Variants in WDPCP observed in about 807,000 individuals in gnomAD.
The protein encoded by WDPCP is WD repeat-containing and planar cell polarity effector protein fritz homolog.
WDPCP carries 71 observed loss-of-function variants against 93.1 expected under a neutral mutation model. That is an observed-to-expected ratio of 0.76 (90% CI 0.63 to 0.93). The LOEUF (loss-of-function observed/expected upper bound fraction) is 0.93, where lower values mean the gene tolerates loss of function less well. Among genes scored for constraint, WDPCP ranks in the 40% least tolerant of loss-of-function variants. WDPCP has a pLI of 0.00. For synonymous variants in WDPCP, 315 were observed against 315.0 expected (o/e 1.00, Z 0.00); for missense variants, 844 against 887.4 (o/e 0.95, Z 0.62).
At chr2:63,385,451 T>C (rs1692651883) in intron 10 of WDPCP, among the ~76,000 whole-genome samples, 1 of 152,134 alleles carries the variant, frequency 6.6e-6, no homozygotes, top group Non-Finnish European at 1.5e-5. Context: ...ATAGTCAATA[T>C]TTTAAAAATT....
chr2:63,587,676 A>T (rs1708955716), intron 1 of WDPCP, among the ~76,000 whole-genome samples: 1 of 152,236 alleles, frequency 6.6e-6, no homozygotes, highest in African/African-American at 2.4e-5. Context: ...AAGCACAGCA[A>T]TTCTCTTGGC....
chr2:63,351,450 A>G (rs991984023), intron 12 of WDPCP, among the ~76,000 whole-genome samples: 1 of 151,886 alleles, frequency 6.6e-6, no homozygotes, highest in Non-Finnish European at 1.5e-5. Context: ...CTAGTAGTCC[A>G]CAGTGTCTGT....
intron 2 of WDPCP, among the ~76,000 whole-genome samples, chr2:63,786,702 T>C (rs1381517067): frequency 1.3e-5 from 2 of 152,098 alleles, no homozygotes; most frequent in Admixed American, 6.6e-5. Context: ...AATACAGACA[T>C]ACGTAAAGCA....
At chr2:63,507,219 C>T (rs1238007441) in intron 1 of WDPCP, among the ~76,000 whole-genome samples, 3 of 151,070 alleles carry the variant, frequency 2.0e-5, no homozygotes, top group Non-Finnish European at 3.0e-5. Flanking sequence ...TCTCAAAATA[C>T]TGGAGATAAA....
Position 63,313,241 on chromosome 2 carries a change from G to C in WDPCP, c.1812+7C>G, listed in dbSNP as rs368344937. ...AAGGCACAAAATCATCTCTGAAAAT[G>C]ACTCACCATAAAGAGGTCACGAGCA... is the stretch of plus-strand genomic sequence containing the variant. On this transcript the variant is annotated splice_region_variant and intron_variant, in intron 13 of 17. Transcript: ENST00000272321. The C allele has an allele frequency of 6.2e-7, 1 of 1,612,772 alleles. No homozygotes were observed. Among genetic ancestry groups the C allele is most frequent in the Non-Finnish European group, 8.5e-7 (1 of 1,179,254 alleles).
At chr2:63,716,163 G>A (rs1669334579) in intron 2 of WDPCP, among the ~76,000 whole-genome samples, 1 of 152,194 alleles carries the variant, frequency 6.6e-6, no homozygotes, top group African/African-American at 2.4e-5. Context: ...GCTCTGAAGG[G>A]ACAGTCCACT....
At chr2:63,808,330 C>T (rs1278535419) in intron 2 of WDPCP, among the ~76,000 whole-genome samples, 1 of 148,414 alleles carries the variant, frequency 6.7e-6, no homozygotes, top group African/African-American at 2.5e-5. Flanking sequence ...TCCCCTCTCC[C>T]CTCTCCCCTC....
intron 1 of WDPCP, among the ~76,000 whole-genome samples, chr2:63,550,345 C>T (rs1705512863): frequency 6.6e-6 from 1 of 152,058 alleles, no homozygotes; most frequent in African/African-American, 2.4e-5. Flanking sequence ...TTTCTATTTT[C>T]ACCACAAAAG....
intron 14 of WDPCP, among the ~76,000 whole-genome samples, chr2:63,190,109 A>G (rs1166391685): frequency 6.6e-6 from 1 of 152,132 alleles, no homozygotes; most frequent in African/African-American, 2.4e-5. Flanking sequence ...GGGCAGAAAA[A>G]AATAAACAAA....
intron 14 of WDPCP, chr2:63,228,694 G>C (rs1204776766): frequency 6.7e-6 from 1 of 149,842 alleles, no homozygotes; most frequent in Non-Finnish European, 1.5e-5. Context: ...TTGGTTTTTT[G>C]TCCTTGCGGT....
chr2:63,152,563 C>T (rs62180317), intron 17 of WDPCP, among the ~76,000 whole-genome samples: 22,337 of 152,128 alleles, frequency 0.15, 2,010 homozygotes, highest in Middle Eastern at 0.21. Flanking sequence ...TGAGCCACCG[C>T]GCCCTGCCAA....
chr2:63,664,990 A>G (rs906563704), intron 2 of WDPCP, among the ~76,000 whole-genome samples: 7 of 152,182 alleles, frequency 4.6e-5, no homozygotes, highest in Non-Finnish European at 8.8e-5. Context: ...CATTCTAGCA[A>G]ACATACATTT....
intron 2 of WDPCP, among the ~76,000 whole-genome samples, chr2:63,737,674 G>A (rs1669657699): frequency 6.6e-6 from 1 of 152,150 alleles, no homozygotes; most frequent in East Asian, 1.9e-4. Context: ...TACCAGGCAT[G>A]TCCAGATATG....
chr2:63,628,070 C>T (rs1286458602), intron 3 of WDPCP, among the ~76,000 whole-genome samples: 2 of 152,206 alleles, frequency 1.3e-5, no homozygotes, highest in African/African-American at 4.8e-5. Context: ...GGCACCCGCC[C>T]ACCTGCGTGC....
upstream of WDPCP, among the ~76,000 whole-genome samples, chr2:63,828,860 GTT>G (rs1671152612): frequency 6.6e-6 from 1 of 151,938 alleles, no homozygotes; most frequent in Non-Finnish European, 1.5e-5. Context: ...AAATTATTAA[GTT>G]TAACTTTTTC....
At chr2:63,322,370 C>T (rs865780413) in intron 12 of WDPCP, among the ~76,000 whole-genome samples, 2 of 152,192 alleles carry the variant, frequency 1.3e-5, no homozygotes, top group African/African-American at 4.8e-5. Context: ...CCCTTCCATG[C>T]TGTGGAAGCT....
rs188555593 is a variant in WDPCP, at chr2:63,411,769, G to C, written c.826-7112C>G. Among the ~76,000 whole-genome samples the C allele has an allele frequency of 2.4e-3, 366 of 152,062 alleles. 1 individual carries two copies. The highest frequency in any genetic ancestry group is 8.1e-3 in the African/African-American group (335 of 41,498). On this transcript the variant is annotated intron_variant, in intron 9 of 17. Coordinates refer to ENST00000272321, the MANE Select transcript of WDPCP (RefSeq NM_015910.7). The stretch of plus-strand genomic sequence containing the variant: ...TGAACACCTTTACACACATAAACTA[G>C]AAAACCTAGAATAGAGGGAAAAATT...
At chr2:63,151,478 G>A (rs971720943) in intron 17 of WDPCP, among the ~76,000 whole-genome samples, 8 of 152,176 alleles carry the variant, frequency 5.3e-5, no homozygotes, top group Non-Finnish European at 8.8e-5. Context: ...ACCTTCCTTA[G>A]CTTCGCAAAG....
chr2:63,547,957 G>A (rs1043046078), intron 1 of WDPCP, among the ~76,000 whole-genome samples: 1 of 151,896 alleles, frequency 6.6e-6, no homozygotes, highest in African/African-American at 2.4e-5. Context: ...CTACCATAAA[G>A]TTAAATATTT....
Sources: allele counts gnomAD v4.1 joint callset (sites outside exome capture counted in the v4.1 genomes callset), GRCh38; gene constraint gnomAD v4.1.1; transcripts MANE v1.5; gene names NCBI Gene and HGNC (gene_info 2026-07-23, HGNC 2026-07-21).